LAMB3: variants seen among roughly 807,000 people sequenced by gnomAD.
LAMB3 encodes the protein laminin subunit beta 3.
In LAMB3, 104 loss-of-function variants were observed where a neutral mutation model predicts 140.3. The ratio of observed to expected loss-of-function variants is 0.74; its 90% CI spans 0.63 to 0.87. The LOEUF is 0.87. Among genes scored for constraint, LAMB3 ranks in the 40% least tolerant of loss-of-function variants. The probability of loss-of-function intolerance (pLI) is 0.00; values close to 1 mark genes in which losing one functional copy is unlikely to be tolerated. For missense variants in LAMB3, 1,531 were observed against 1,575.2 expected (o/e 0.97, Z 0.47); for synonymous variants, 592 against 602.9 (o/e 0.98, Z 0.26).
At chr1:209,618,241 C>T (rs373539130) in intron 19 of LAMB3, among the ~76,000 whole-genome samples, 193 bp from the exon 20 acceptor site, 3 of 152,212 alleles carry the variant, frequency 2.0e-5, no homozygotes, top group South Asian at 4.1e-4. Flanking sequence ...CCATTATGCC[C>T]AAGACACCTT....
chr1:209,618,856 G>A, intron 18 of LAMB3, 197 bp from the exon 19 acceptor site: 1 of 642,778 alleles, frequency 1.6e-6, no homozygotes, highest in Non-Finnish European at 2.8e-6. Flanking sequence ...GTAGGAGGAT[G>A]ACTATCCTGT....
Position 209,634,463 on chromosome 1 carries a change from C to A in LAMB3, c.548G>T (p.Arg183Leu). Reference sequence around the variant, plus strand: ...TCTACCTACCTTCCCCCCATTTAGGCGTGCATTAGGCCTCTGAGGCAGGGA... The same window carrying A: ...TCTACCTACCTTCCCCCCATTTAGGAGTGCATTAGGCCTCTGAGGCAGGGA... ...CQSLPQRPNA[R>L]LNGGKVQLNL... The change falls in exon 6 of 23, where the codon CGC becomes CTC. Residue 183 changes from arginine to leucine, a missense_variant. By Grantham distance (102) the Arg-to-Leu change is moderately radical. Coordinates refer to ENST00000356082, the MANE Select transcript of LAMB3 (RefSeq NM_000228.3). The A allele has an allele frequency of 1.9e-6, 3 of 1,614,066 alleles. No individual in the cohort carries two copies. The highest frequency in any genetic ancestry group is 1.7e-5 in the Admixed American group (1 of 60,010).
intron 6 of LAMB3, 54 bp from the exon 7 acceptor site, chr1:209,633,187 G>C: frequency 7.7e-7 from 1 of 1,293,558 alleles, no homozygotes; most frequent in Non-Finnish European, 1.1e-6. Flanking sequence ...AGTGTGCCCC[G>C]AGTTCAGAAG....
rs1338790639 is a variant in LAMB3 at position 209,623,411 on chromosome 1, C to A, written c.2358+94G>T. ...TGGGGGAGTGGGGTTCTCACAGGGG[C>A]AGATCTGCCCTAATAGGAAGCAGGT... On this transcript the variant is annotated intron_variant, in intron 16 of 22. Transcript: ENST00000356082. The surrounding 1 kb of genome is among the most constrained non-coding windows in gnomAD (Gnocchi z 4.2). The A allele has an allele frequency of 3.9e-6, 5 of 1,281,492 alleles. No individual in the cohort carries two copies. The highest frequency in any genetic ancestry group is 5.7e-6 in the Non-Finnish European group (5 of 880,598). 79.4% of individuals were successfully genotyped at this position (1,281,492 alleles called of 1,614,324 possible).
chr1:209,617,969 C>T lies in LAMB3; in HGVS notation c.2989G>A (p.Ala997Thr). Residue 997 changes from alanine to threonine, a missense_variant, in exon 20 of 23, where the codon GCT becomes ACT. Physicochemically the swap from Ala to Thr is moderately conservative, Grantham distance 58. Coordinates refer to ENST00000356082, the MANE Select transcript of LAMB3 (RefSeq NM_000228.3). ...LRQGTVALQE[A>T]QDTMQGTSRS... ...CTGGTGCCTTGCATGGTGTCCTGAG[C>T]TTCCTGCAGTGCCACTGTCCCCTGC... 1.2e-6 allele frequency: 2 copies of T among 1,614,224 alleles called. No individual in the cohort carries two copies. Among genetic ancestry groups the T allele is most frequent in the Non-Finnish European group, 1.7e-6 (2 of 1,180,052 alleles).
rs1441270084 is a variant in LAMB3 at position 209,622,594 on chromosome 1, C to T, written c.2643G>A (p.Met881Ile). Residue 881 changes from methionine to isoleucine, a missense_variant, in exon 18 of 23, where the codon ATG (methionine) becomes ATA (isoleucine). By Grantham distance (10) the Met-to-Ile change is conservative (BLOSUM62 1). Coordinates refer to ENST00000356082, the MANE Select transcript of LAMB3 (RefSeq NM_000228.3). ...ETQVSASRSQMEEDVRRTRLL... is the reference protein window; with the variant it reads ...ETQVSASRSQIEEDVRRTRLL... ...GCCGTGTGCGTCTGACATCTTCCTC[C>T]ATCTGGGAGCGGCTGGCGCTCACCT... 1 of 1,613,976 alleles carries T rather than the reference C, an allele frequency of 6.2e-7. No homozygotes were observed. Among genetic ancestry groups the T allele is most frequent in the Non-Finnish European group, 8.5e-7 (1 of 1,180,012 alleles).
chr1:209,630,556 C>T, intron 9 of LAMB3, 59 bp downstream of exon 9: 2 of 1,605,324 alleles, frequency 1.2e-6, no homozygotes, highest in Non-Finnish European at 8.5e-7. Flanking sequence ...TCATCAAGGC[C>T]TAGAGGGGCC....
intron 1 of LAMB3, among the ~76,000 whole-genome samples, chr1:209,651,654 G>A (rs1265405644): frequency 6.6e-6 from 1 of 152,192 alleles, no homozygotes; most frequent in East Asian, 1.9e-4. Flanking sequence ...TCGACAAGAG[G>A]GGTGGGGCTG....
At chr1:209,620,473 G>A (rs751097261) in intron 18 of LAMB3, among the ~76,000 whole-genome samples, 3 of 152,220 alleles carry the variant, frequency 2.0e-5, no homozygotes, top group Non-Finnish European at 4.4e-5. Context: ...GATCCAGAGA[G>A]AGGAAAAACA....
chr1:209,632,625 T>A lies in LAMB3; in HGVS notation c.780A>T (p.Ala260=), dbSNP rs1571821043. 3 of 1,613,980 alleles carry A rather than the reference T, an allele frequency of 1.9e-6. No homozygotes were observed. The East Asian group carries it at 6.7e-5, about 36-fold the overall frequency. The change falls in exon 8 of 23, where the codon GCA becomes GCT. Residue 260 remains alanine, a synonymous_variant. Transcript: ENST00000356082. ...GGCCTGCAGAGGCCCCAGGCTTGGG[T>A]GCGCAGCGATCAGCATGGCCGTGAC... The part of the protein sequence containing the change: ...CFCHGHADRC[A]PKPGASAGPS...
intron 6 of LAMB3, among the ~76,000 whole-genome samples, chr1:209,633,457 T>C (rs1190959189): frequency 1.3e-5 from 2 of 152,172 alleles, no homozygotes; most frequent in African/African-American, 4.8e-5. Context: ...ATACTAATTT[T>C]CTGATGACTC....
chr1:209,633,195 A>T (rs376443609), intron 6 of LAMB3, 62 bp from the exon 7 acceptor site: 18 of 1,242,866 alleles, frequency 1.4e-5, no homozygotes, highest in East Asian at 6.9e-5. Flanking sequence ...CCGAGTTCAG[A>T]AGAAACCTTT....
rs998495988 is a variant in LAMB3, at chr1:209,651,073, T to C, written c.-37-92A>G. ...TTTCTGTTTCTAGACTCAAGTATTT[T>C]TCAGAAGTCTTTACCTAGGGTCCTG... On this transcript the variant is annotated intron_variant, in intron 1 of 22. Coordinates refer to ENST00000356082, the MANE Select transcript of LAMB3 (RefSeq NM_000228.3). The C allele has an allele frequency of 8.1e-6, 7 of 867,120 alleles. No individual in the cohort carries two copies. In the African/African-American group the frequency reaches 9.9e-5, roughly 12 times the overall value. 53.7% of individuals were successfully genotyped at this position (867,120 alleles called of 1,614,324 possible). A position where few individuals can be genotyped will look rare whatever the true frequency, so the allele number is the denominator to read the frequency against.
At chr1:209,640,773 C>T (rs1289655446) in intron 3 of LAMB3, among the ~76,000 whole-genome samples, 1 of 151,994 alleles carries the variant, frequency 6.6e-6, no homozygotes, top group African/African-American at 2.4e-5. Context: ...TGCTGTATTC[C>T]CAGTGCTTAG....
rs1419851535 is a variant in LAMB3, at chr1:209,651,296, G to C, written c.-37-315C>G. The C allele has an allele frequency of 1.1e-5, 4 of 352,604 alleles. No individual in the cohort carries two copies. The East Asian group carries it at 2.4e-4, about 22-fold the overall frequency. The allele number at this position is 352,604 out of a possible 1,614,324, so 21.8% of individuals were successfully genotyped here. A position where few individuals can be genotyped will look rare whatever the true frequency, so the allele number is the denominator to read the frequency against. ...CCCCACACAGCCGTAAGGACAACGT[G>C]GGGAGCAGGAAAAGGCTGGACCCTT... On this transcript the variant is annotated intron_variant, in intron 1 of 22. Coordinates refer to ENST00000356082, the MANE Select transcript of LAMB3 (RefSeq NM_000228.3).
intron 14 of LAMB3, 35 bp from the exon 15 acceptor site, chr1:209,624,035 G>T: frequency 6.3e-7 from 1 of 1,599,780 alleles, no homozygotes; most frequent in Non-Finnish European, 8.5e-7. Context: ...TAAAATATAG[G>T]AGGGAGTTTT....
At chr1:209,621,523 T>C (rs761369650) in intron 18 of LAMB3, among the ~76,000 whole-genome samples, 1 of 152,112 alleles carries the variant, frequency 6.6e-6, no homozygotes, top group Non-Finnish European at 1.5e-5. Flanking sequence ...TTAACTGGGC[T>C]CCCAGCCAAG....
intron 10 of LAMB3, among the ~76,000 whole-genome samples, chr1:209,629,408 C>G (rs780259972): frequency 6.6e-6 from 1 of 152,200 alleles, no homozygotes; most frequent in Non-Finnish European, 1.5e-5. Flanking sequence ...GCTTTCATCC[C>G]TCTTCTGCAG....
intron 5 of LAMB3, among the ~76,000 whole-genome samples, chr1:209,635,312 T>C (rs1666857877): frequency 6.6e-6 from 1 of 152,212 alleles, no homozygotes; most frequent in South Asian, 2.1e-4. Flanking sequence ...GGTCCCCTCC[T>C]GCCTGATCTC....
Sources: allele counts gnomAD v4.1 joint callset (sites outside exome capture counted in the v4.1 genomes callset), GRCh38; gene constraint gnomAD v4.1.1; non-coding constraint Gnocchi (gnomAD v3.1); transcripts MANE v1.5; gene names NCBI Gene and HGNC (gene_info 2026-07-23, HGNC 2026-07-21).